MAML2: variants seen among roughly 807,000 people sequenced by gnomAD.
MAML2 encodes the protein mastermind-like protein 2.
In MAML2, 22 loss-of-function variants were observed where a neutral mutation model predicts 96.1. That is an observed-to-expected ratio of 0.23 (90% CI 0.16 to 0.33). The LOEUF is 0.33. Among genes scored for constraint, MAML2 ranks in the 10% least tolerant of loss-of-function variants. The pLI is 1.00. For missense variants in MAML2, 1,367 were observed against 1,392.4 expected (o/e 0.98, Z 0.29); for synonymous variants, 561 against 521.3 (o/e 1.08, Z -1.04).
chr11:96,049,681 G>A (rs1403832645), intron 2 of MAML2, among the ~76,000 whole-genome samples: 1 of 152,184 alleles, frequency 6.6e-6, no homozygotes, highest in African/African-American at 2.4e-5. Flanking sequence ...TCAAGAGGCT[G>A]TAAGTAAAGC....
rs186540068 is a variant in MAML2, at chr11:96,337,540, C to T, written c.513+3843G>A. ...AAAGCTTCCCAGGTCCATGCAGAGG[C>T]CTGTAAAGTAGATGCATTCAAAGAC... On this transcript the variant is annotated intron_variant, in intron 1 of 4. Coordinates refer to ENST00000524717, the MANE Select transcript of MAML2 (RefSeq NM_032427.4). Among the ~76,000 whole-genome samples, 207 of 152,286 alleles carry T rather than the reference C, an allele frequency of 1.4e-3. 1 individual carries two copies. The highest frequency in any genetic ancestry group is 2.4e-3 in the Non-Finnish European group (166 of 68,032).
chr11:96,032,800 G>A (rs936339189), intron 2 of MAML2, among the ~76,000 whole-genome samples: 1 of 152,118 alleles, frequency 6.6e-6, no homozygotes, highest in African/African-American at 2.4e-5. Context: ...TGGCAAAAGG[G>A]TATATACTGT....
At chr11:96,008,249 TA>T (rs5793770) in intron 2 of MAML2, among the ~76,000 whole-genome samples, 152,321 of 152,322 alleles carry the variant, frequency 1, 76,160 homozygotes, top group Middle Eastern at 1. Context: ...TATCGGATTC[TA>T]GTTACTTGTA....
At chr11:96,071,878 T>G (rs1859350299) in intron 2 of MAML2, among the ~76,000 whole-genome samples, 1 of 152,248 alleles carries the variant, frequency 6.6e-6, no homozygotes, top group African/African-American at 2.4e-5. Context: ...TTTTGAAGAT[T>G]GGCTGTCTTT....
chr11:96,278,768 C>G (rs1203383187), intron 1 of MAML2, among the ~76,000 whole-genome samples: 1 of 152,192 alleles, frequency 6.6e-6, no homozygotes, highest in Admixed American at 6.5e-5. Context: ...TCACAAAGGT[C>G]TTTGTGTGCT....
intron 1 of MAML2, among the ~76,000 whole-genome samples, chr11:96,274,584 A>G (rs1291359692): frequency 6.6e-6 from 1 of 152,028 alleles, no homozygotes; most frequent in Non-Finnish European, 1.5e-5. Context: ...GAAATATTAA[A>G]TTAGGTATTA....
intron 1 of MAML2, among the ~76,000 whole-genome samples, chr11:96,216,379 T>C (rs954631307): frequency 1.3e-5 from 2 of 152,198 alleles, no homozygotes; most frequent in Non-Finnish European, 2.9e-5. Context: ...TTAATGCCTC[T>C]CTTAAGTCCC....
In MAML2 at chr11:95,977,822, A is replaced by G. The variant is rs1857670441; in HGVS notation, c.*1126T>C. On this transcript the variant is annotated 3_prime_UTR_variant, in exon 5 of 5. Transcript: ENST00000524717. ...CATTTTGTTGCTCACCCAAATCCAA[A>G]TAATACGTCCAATGAAGGACAAATT... The G allele has an allele frequency of 8.8e-6, 2 of 226,554 alleles. No individual in the cohort carries two copies. The allele number at this position is 226,554 out of a possible 1,614,324, so 14.0% of individuals were successfully genotyped here.
chr11:96,255,690 G>T (rs974656161), intron 1 of MAML2, among the ~76,000 whole-genome samples: 12 of 152,200 alleles, frequency 7.9e-5, no homozygotes, highest in African/African-American at 2.9e-4. Context: ...TGTGCCTGGG[G>T]CTGCAGCCGC....
At chr11:96,155,752 C>T (rs1861002669) in intron 1 of MAML2, among the ~76,000 whole-genome samples, 1 of 151,356 alleles carries the variant, frequency 6.6e-6, no homozygotes, top group African/African-American at 2.4e-5. Context: ...TGTGTACATT[C>T]CAGAAGCAAA....
intron 1 of MAML2, among the ~76,000 whole-genome samples, chr11:96,122,991 G>T (rs1860376321): frequency 6.6e-6 from 1 of 152,222 alleles, no homozygotes; most frequent in African/African-American, 2.4e-5. Context: ...GTTGACTCAT[G>T]GGCTGGCTGA....
At chr11:96,014,816 G>A (rs1440453611) in intron 2 of MAML2, among the ~76,000 whole-genome samples, 1 of 149,576 alleles carries the variant, frequency 6.7e-6, no homozygotes, top group African/African-American at 2.5e-5. Flanking sequence ...ATGTGTAGAT[G>A]GCATGGAACA....
chr11:96,322,204 CT>C (rs1306609642), intron 1 of MAML2, among the ~76,000 whole-genome samples: 1 of 152,086 alleles, frequency 6.6e-6, no homozygotes, highest in Non-Finnish European at 1.5e-5. Context: ...TAGCTTTAAC[CT>C]TTTCTCCAAG....
chr11:96,182,667 G>A (rs1393030442), intron 1 of MAML2, among the ~76,000 whole-genome samples: 1 of 152,136 alleles, frequency 6.6e-6, no homozygotes, highest in Non-Finnish European at 1.5e-5. Context: ...TTTTATAGAT[G>A]AGAAAGTTTA....
rs1189280030 is a variant in MAML2, at chr11:96,254,995, A to C, written c.513+86388T>G. 2.0e-5 allele frequency among the ~76,000 whole-genome samples: 3 copies of C among 147,912 alleles called. No individual in the cohort carries two copies. The East Asian group carries it at 5.9e-4, about 29-fold the overall frequency. On this transcript the variant is annotated intron_variant, in intron 1 of 4. Transcript: ENST00000524717. ...CACACCCAGCTAAAATTTTTTTGGC[A>C]TTTTTTTTTTAGAGGTGGGGTTTCC...
At chr11:95,984,987 A>G (rs1319644966) in intron 4 of MAML2, among the ~76,000 whole-genome samples, 1 of 152,188 alleles carries the variant, frequency 6.6e-6, no homozygotes, top group Admixed American at 6.5e-5. Context: ...CATTTATTTT[A>G]TACTGAGAGA....
At chr11:96,141,631 G>C (rs1219926220) in intron 1 of MAML2, among the ~76,000 whole-genome samples, 1 of 152,172 alleles carries the variant, frequency 6.6e-6, no homozygotes, top group East Asian at 1.9e-4. Flanking sequence ...GGGTGATTCT[G>C]AGCACAGAAG....
chr11:96,149,692 C>T (rs1027668692), intron 1 of MAML2, among the ~76,000 whole-genome samples: 4 of 151,438 alleles, frequency 2.6e-5, no homozygotes, highest in Admixed American at 6.6e-5. Context: ...TGAGATCACG[C>T]CACTGCACTC....
intron 1 of MAML2, among the ~76,000 whole-genome samples, chr11:96,125,497 TGTACCCA>T (rs1448910472): frequency 1.3e-5 from 2 of 152,128 alleles, no homozygotes; most frequent in Admixed American, 6.5e-5. Context: ...CTGACATCTG[TGTACCCA>T]GTCTCTCCAG....
Sources: allele counts gnomAD v4.1 joint callset (sites outside exome capture counted in the v4.1 genomes callset), GRCh38; gene constraint gnomAD v4.1.1; transcripts MANE v1.5; gene names NCBI Gene and HGNC (gene_info 2026-07-23, HGNC 2026-07-21).